The following KIAA0513 variants were observed in gnomAD, a reference collection of about 807,000 sequenced individuals.
KIAA0513 encodes the protein uncharacterized protein KIAA0513.
KIAA0513 carries 39 observed loss-of-function variants against 56.5 expected under a neutral mutation model. The ratio of observed to expected loss-of-function variants is 0.69; its 90% confidence interval spans 0.53 to 0.90. The LOEUF is 0.90. Ranked by LOEUF, KIAA0513 falls within the 40% of genes least tolerant of loss-of-function variation. The pLI is 0.00. For synonymous variants in KIAA0513, 268 were observed against 215.6 expected, an observed-to-expected ratio of 1.24 and a Z score of -2.13; for missense variants, 591 against 535.2, an observed-to-expected ratio of 1.10 and a Z score of -1.03.
intron 1 of KIAA0513, among the ~76,000 whole-genome samples, chr16:85,046,579 G>A (rs376678316): frequency 6.6e-6 from 1 of 152,224 alleles, no homozygotes. Context: ...CCGTCTGTAG[G>A]CTGGTGCCAT....
chr16:85,055,661 C>A (rs1374085164), intron 1 of KIAA0513, among the ~76,000 whole-genome samples: 1 of 152,162 alleles, frequency 6.6e-6, no homozygotes, highest in African/African-American at 2.4e-5. Flanking sequence ...TTTCTAGACA[C>A]CTACTGACAT....
chr16:85,035,079 C>G (rs1450166545), intron 1 of KIAA0513, among the ~76,000 whole-genome samples: 1 of 152,160 alleles, frequency 6.6e-6, no homozygotes, highest in Non-Finnish European at 1.5e-5. Context: ...CCTCTCAGCC[C>G]TCTGATTTCC....
chr16:85,075,958 C>T (rs1567542082), intron 5 of KIAA0513, 44 bp downstream of exon 5: 5 of 1,438,524 alleles, frequency 3.5e-6, no homozygotes, highest in Non-Finnish European at 4.9e-6. Flanking sequence ...TGAGGCTAGT[C>T]TGCTGATAAT....
intron 1 of KIAA0513, among the ~76,000 whole-genome samples, chr16:85,036,660 G>A (rs1039411902): frequency 2.6e-5 from 4 of 152,222 alleles, no homozygotes; most frequent in East Asian, 1.9e-4. Flanking sequence ...TATGTGTTAC[G>A]CCACAGACCT....
At chr16:85,077,172 C>G (rs2073668088) in intron 5 of KIAA0513, among the ~76,000 whole-genome samples, 1 of 152,184 alleles carries the variant, frequency 6.6e-6, no homozygotes, top group African/African-American at 2.4e-5. Context: ...CTGCTTGCAT[C>G]TACTTTGCTC....
chr16:85,078,825 A>T (rs763402706), intron 7 of KIAA0513, 100 bp from the exon 8 acceptor site: 3 of 1,289,954 alleles, frequency 2.3e-6, no homozygotes, highest in Non-Finnish European at 3.4e-6. Flanking sequence ...TTTCAGTGAC[A>T]TTCGGGGAGA....
rs1415126336 is a variant in KIAA0513 at position 85,091,976 on chromosome 16, C to G, written c.*3651C>G. The G allele has an allele frequency of 7.4e-6, 1 of 134,348 alleles. No homozygotes were observed. Among genetic ancestry groups the G allele is most frequent in the African/African-American group, 2.9e-5 (1 of 35,060 alleles). The allele number at this position is 134,348 out of a possible 1,614,324, so 8.3% of individuals were successfully genotyped here. Reference sequence around the variant, plus strand: ...TTTTTTTTTTAGACGGAGTTTTGCTCTTGTTGCCCAGGCTGGAGTGCAGTG... The same window carrying G: ...TTTTTTTTTTAGACGGAGTTTTGCTGTTGTTGCCCAGGCTGGAGTGCAGTG... On this transcript the variant is annotated 3_prime_UTR_variant, in exon 13 of 13. Transcript: ENST00000683363.
In KIAA0513 at chr16:85,066,838, G is replaced by A. The variant is rs1284423013; in HGVS notation, c.-172-62G>A. Reference sequence around the variant, plus strand: ...GAGATTCTCTTTCTGGGGAGTCTGTGATCTAGGTCGGGATTCTGGTGAGGA... The same window carrying A: ...GAGATTCTCTTTCTGGGGAGTCTGTAATCTAGGTCGGGATTCTGGTGAGGA... On this transcript the variant is annotated intron_variant, in intron 1 of 12. Transcript: ENST00000683363. 8.9e-6 allele frequency: 4 copies of A among 448,002 alleles called. No homozygotes were observed. The East Asian group carries it at 1.4e-4, about 16-fold the overall frequency. 27.8% of individuals were successfully genotyped at this position (448,002 alleles called of 1,614,324 possible).
At chr16:85,086,962 G>A in intron 11 of KIAA0513, 110 bp from the exon 12 acceptor site, 1 of 1,079,112 alleles carries the variant, frequency 9.3e-7, no homozygotes, top group Non-Finnish European at 1.4e-6. Context: ...TTTAGTTTCT[G>A]CTGACAATTC....
chr16:85,028,327 G>A (rs1336118901), intron 1 of KIAA0513, among the ~76,000 whole-genome samples: 1 of 152,170 alleles, frequency 6.6e-6, no homozygotes, highest in Non-Finnish European at 1.5e-5. Context: ...AGACATTGGC[G>A]AGTCATGCGT....
At chr16:85,080,959 T>A (rs1366862833) in intron 8 of KIAA0513, among the ~76,000 whole-genome samples, 1 of 151,810 alleles carries the variant, frequency 6.6e-6, no homozygotes. Context: ...GTCTTGGGAG[T>A]CCCAACGGGA....
At chr16:85,074,106 C>T (rs907563234) in intron 4 of KIAA0513, among the ~76,000 whole-genome samples, 2 of 152,146 alleles carry the variant, frequency 1.3e-5, no homozygotes, top group Non-Finnish European at 2.9e-5. Flanking sequence ...TCCTGAGTAG[C>T]TGGGATTACG....
chr16:85,086,569 G>T (rs1161179999), intron 10 of KIAA0513, 75 bp from the exon 11 acceptor site: 2 of 1,439,198 alleles, frequency 1.4e-6, no homozygotes, highest in Non-Finnish European at 1.9e-6. Context: ...GCACCTGCGG[G>T]TCAGAACAGG....
At chr16:85,086,331 C>G (rs368747569) in intron 10 of KIAA0513, among the ~76,000 whole-genome samples, 4 of 152,258 alleles carry the variant, frequency 2.6e-5, no homozygotes, top group Non-Finnish European at 4.4e-5. Context: ...GGGCCACCCT[C>G]GCTGCCTGTA....
At chr16:85,034,957 C>G (rs2073014504) in intron 1 of KIAA0513, among the ~76,000 whole-genome samples, 1 of 152,198 alleles carries the variant, frequency 6.6e-6, no homozygotes, top group South Asian at 2.1e-4. Context: ...TTGAGACCCC[C>G]TGTCACCGGA....
At chr16:85,040,053 C>A (rs1178259597) in intron 1 of KIAA0513, among the ~76,000 whole-genome samples, 1 of 151,408 alleles carries the variant, frequency 6.6e-6, no homozygotes, top group South Asian at 2.1e-4. Flanking sequence ...AGGCTAGTCT[C>A]GAACTCCTGA....
In KIAA0513 at chr16:85,089,828, G is replaced by GACA. The variant is rs2073850382; in HGVS notation, c.*1507_*1509dup. ...TTCCAGAGACGGAACATTCTCTAGAGACAACAGTCTGTGCTGCAGATTGGT... is the reference window on the plus strand; with the variant it reads ...TTCCAGAGACGGAACATTCTCTAGAGACAACAACAGTCTGTGCTGCAGATTGGT... On this transcript the variant is annotated 3_prime_UTR_variant, in exon 13 of 13. Transcript: ENST00000683363. The surrounding 1 kb of genome is among the most constrained non-coding windows in gnomAD (Gnocchi z 4.2). The GACA allele has an allele frequency of 6.6e-6, 1 of 152,164 alleles. No individual in the cohort carries two copies. Among genetic ancestry groups the GACA allele is most frequent in the East Asian group, 1.9e-4 (1 of 5,172 alleles). 9.4% of individuals were successfully genotyped at this position (152,164 alleles called of 1,614,324 possible).
At position 85,089,130 on chromosome 16, in the gene KIAA0513, TGGTCACGAAGCAGC is replaced by T. The variant is rs972240615; in HGVS notation, c.*807_*820del. On this transcript the variant is annotated 3_prime_UTR_variant, in exon 13 of 13. Transcript: ENST00000683363. This position sits in a 1 kb window ranked among gnomAD's most constrained non-coding sequence, Gnocchi z 4.2. ...CCCTTCTGAAGCAGAGAAGCCTCCA[TGGTCACGAAGCAGC>T]GTTGTGCTGTGTGTCCCTCGCAAGA... The T allele has an allele frequency of 1.8e-4, 27 of 152,258 alleles. No individual in the cohort carries two copies. The highest frequency in any genetic ancestry group is 6.5e-4 in the African/African-American group (27 of 41,462). 9.4% of individuals were successfully genotyped at this position (152,258 alleles called of 1,614,324 possible). A position where few individuals can be genotyped will look rare whatever the true frequency, so the allele number is the denominator to read the frequency against.
chr16:85,074,868 C>A lies in KIAA0513; in HGVS notation c.504-976C>A, dbSNP rs1034273963. 2.6e-5 allele frequency among the ~76,000 whole-genome samples: 4 copies of A among 152,042 alleles called. 1 individual carries two copies. Among genetic ancestry groups the A allele is most frequent in the Non-Finnish European group, 5.9e-5 (4 of 67,988 alleles). ...ATAGTTCTAATTCTCCATTTTCTTT[C>A]TTTCTTTTTTTTAATTTGCACTAGG... On this transcript the variant is annotated intron_variant, in intron 4 of 12. Transcript: ENST00000683363.
Sources: gnomAD v4.1 joint callset for allele counts (sites outside exome capture counted in the v4.1 genomes callset) on GRCh38, gnomAD v4.1.1 for gene constraint, Gnocchi (gnomAD v3.1) non-coding constraint, MANE v1.5 for transcripts, NCBI Gene and HGNC (gene_info 2026-07-23, HGNC 2026-07-21) for gene names.